Variants in ATXN2 observed in about 807,000 individuals in gnomAD.
The protein encoded by ATXN2 is ataxin 2, also known as ataxin-2.
In ATXN2, 37 loss-of-function variants were observed where a neutral mutation model predicts 138.6. The ratio of observed to expected loss-of-function variants is 0.27; its 90% CI spans 0.21 to 0.35. ATXN2 has a LOEUF of 0.35. ATXN2 is among the 10% of genes least tolerant of loss of function. The pLI, the probability that ATXN2 is intolerant of heterozygous loss-of-function variation, is 1.00. For synonymous variants in ATXN2, 549 were observed against 543.7 expected (o/e 1.01, Z -0.13); for missense variants, 1,216 against 1,480.3 (o/e 0.82, Z 2.93).
intron 14 of ATXN2, among the ~76,000 whole-genome samples, chr12:111,501,326 A>T (rs909060272): frequency 2.6e-5 from 4 of 152,320 alleles, no homozygotes; most frequent in African/African-American, 9.6e-5. Flanking sequence ...AAAGAAAGAA[A>T]ACAGGAATGG....
chr12:111,556,591 G>A (rs1882400952), intron 1 of ATXN2, among the ~76,000 whole-genome samples: 1 of 152,060 alleles, frequency 6.6e-6, no homozygotes, highest in African/African-American at 2.4e-5. Flanking sequence ...GCAGAGGTGG[G>A]CAGATCACAA....
intron 1 of ATXN2, among the ~76,000 whole-genome samples, chr12:111,570,070 C>G (rs747514590): frequency 1.2e-4 from 18 of 152,100 alleles, no homozygotes; most frequent in South Asian, 2.1e-4. Context: ...TTTAAAGAAC[C>G]ATGTGTGGAA....
intron 1 of ATXN2, among the ~76,000 whole-genome samples, chr12:111,585,860 TTG>T (rs1884298973): frequency 6.7e-6 from 1 of 148,790 alleles, no homozygotes; most frequent in Non-Finnish European, 1.5e-5. Flanking sequence ...TGTTGAGCTC[TTG>T]TGTCTGTTTT....
chr12:111,541,656 C>T (rs904811174), intron 5 of ATXN2, among the ~76,000 whole-genome samples: 5 of 148,968 alleles, frequency 3.4e-5, no homozygotes, highest in South Asian at 2.1e-4. Flanking sequence ...TTAATTCTGA[C>T]ATATTTTGTA....
At chr12:111,599,516 G>C (rs1885160427), upstream of ATXN2, 3 of 1,212,378 alleles carry the variant, frequency 2.5e-6, no homozygotes, top group Non-Finnish European at 3.1e-6. Flanking sequence ...TGAGCGCATC[G>C]GAGGGCGGGC....
chr12:111,559,665 G>C (rs1882569351), intron 1 of ATXN2, among the ~76,000 whole-genome samples: 1 of 151,074 alleles, frequency 6.6e-6, no homozygotes, highest in Non-Finnish European at 1.5e-5. Flanking sequence ...CCAGATATTT[G>C]GGGAGGCTGA....
chr12:111,490,526 A>T (rs1039246273), intron 14 of ATXN2, among the ~76,000 whole-genome samples: 2 of 152,140 alleles, frequency 1.3e-5, no homozygotes, highest in Non-Finnish European at 2.9e-5. Flanking sequence ...CTAAGTAAAA[A>T]AAGGAGATGG....
At chr12:111,491,582 C>T (rs951401837) in intron 14 of ATXN2, among the ~76,000 whole-genome samples, 5 of 152,228 alleles carry the variant, frequency 3.3e-5, no homozygotes, top group Admixed American at 6.5e-5. Flanking sequence ...AAGCACCAAG[C>T]ATAGTTCTGA....
rs1380360767 is a variant in ATXN2 at position 111,464,725 on chromosome 12, G to A, written c.2843-10C>T. On this transcript the variant is annotated splice_polypyrimidine_tract_variant and intron_variant, in intron 20 of 24. Transcript: ENST00000673436. Reference sequence around the variant, plus strand: ...GGTAATTTGGGACATGCTGAATTTGGGAAATAGAAAGGTAAATTAGCCTTT... The same window carrying A: ...GGTAATTTGGGACATGCTGAATTTGAGAAATAGAAAGGTAAATTAGCCTTT... 2 of 1,608,094 alleles carry A rather than the reference G, an allele frequency of 1.2e-6. No homozygotes were observed. The highest frequency in any genetic ancestry group is 1.7e-6 in the Non-Finnish European group (2 of 1,175,442).
intron 1 of ATXN2, among the ~76,000 whole-genome samples, chr12:111,572,462 G>T (rs1485053415): frequency 6.6e-6 from 1 of 152,060 alleles, no homozygotes; most frequent in Admixed American, 6.6e-5. Flanking sequence ...CTTGGATTAG[G>T]TCATAGAAAG....
chr12:111,586,790 G>A (rs1269549807), intron 1 of ATXN2, among the ~76,000 whole-genome samples: 2 of 151,980 alleles, frequency 1.3e-5, no homozygotes, highest in African/African-American at 4.8e-5. Flanking sequence ...CAAAGTGCTG[G>A]GATTACAAGC....
intron 5 of ATXN2, among the ~76,000 whole-genome samples, chr12:111,529,186 T>C (rs1417761362): frequency 6.6e-6 from 1 of 152,106 alleles, no homozygotes; most frequent in Admixed American, 6.5e-5. Flanking sequence ...CCAGGATTCC[T>C]GCAAAGTTGA....
chr12:111,586,547 A>G (rs1415569100), intron 1 of ATXN2, among the ~76,000 whole-genome samples: 1 of 151,606 alleles, frequency 6.6e-6, no homozygotes, highest in Non-Finnish European at 1.5e-5. Flanking sequence ...CACCACGCCC[A>G]TTTAATTTTT....
At chr12:111,525,902 T>C (rs1346532476) in intron 5 of ATXN2, among the ~76,000 whole-genome samples, 1 of 152,072 alleles carries the variant, frequency 6.6e-6, no homozygotes, top group African/African-American at 2.4e-5. Flanking sequence ...CAGGCTGGTC[T>C]TGATCTCCTG....
chr12:111,457,304 T>C lies in ATXN2; in HGVS notation c.2952A>G (p.Pro984=), dbSNP rs1289561025. The C allele has an allele frequency of 5.6e-6, 9 of 1,614,008 alleles. No homozygotes were observed. Among genetic ancestry groups the C allele is most frequent in the Non-Finnish European group, 7.6e-6 (9 of 1,179,964 alleles). Residue 984 remains proline (P), a synonymous_variant, in exon 22 of 25, where the codon CCA becomes CCG. Transcript: ENST00000673436. The part of the protein sequence containing the change: ...QYAHPNATLH[P]HTPHPQPSAT... The stretch of plus-strand genomic sequence containing the variant: ...CTGAAGGCTGAGGGTGTGGAGTATG[T>C]GGGTGCAGGGTAGCGTTAGGGTGCG...
Position 111,532,938 on chromosome 12 carries a change from C to G in ATXN2, c.572-7622G>C, listed in dbSNP as rs555670623. 1.5e-3 allele frequency among the ~76,000 whole-genome samples: 226 copies of G among 152,196 alleles called. 1 individual carries two copies. The highest frequency in any genetic ancestry group is 2.7e-3 in the Non-Finnish European group (183 of 68,022). On this transcript the variant is annotated intron_variant, in intron 5 of 24. Coordinates refer to ENST00000673436, the MANE Select transcript of ATXN2 (RefSeq NM_001372574.1). ...CCTACATTCCTAACTAATCAGCCCCCCAGTGGGACTTTCTCCAGCCACACC... is the reference window on the plus strand; with the variant it reads ...CCTACATTCCTAACTAATCAGCCCCGCAGTGGGACTTTCTCCAGCCACACC...
chr12:111,463,225 A>G (rs1461633827), intron 21 of ATXN2, among the ~76,000 whole-genome samples: 1 of 152,220 alleles, frequency 6.6e-6, no homozygotes, highest in Admixed American at 6.5e-5. Context: ...TAATGGCACA[A>G]ATTTCTAAAG....
Position 111,598,946 on chromosome 12 carries a change from G to A in ATXN2, c.89C>T (p.Pro30Leu). 1 of 1,421,404 alleles carries A rather than the reference G, an allele frequency of 7.0e-7. No homozygotes were observed. The allele number at this position is 1,421,404 out of a possible 1,614,324, so 88.0% of individuals were successfully genotyped here. ...QQQQQQQQQP[P>L]PAAANVRKPG... is the part of the protein sequence containing the mutation. ...CTTGCGGACATTGGCAGCCGCGGGC[G>A]GCGGCTGCTGCTGCTGCTGCTGCTG... Residue 30 changes from proline to leucine, a missense_variant, in exon 1 of 25, where the codon CCG becomes CTG. Coordinates refer to ENST00000673436, the MANE Select transcript of ATXN2 (RefSeq NM_001372574.1). The surrounding 1 kb of genome is among the most constrained non-coding windows in gnomAD (Gnocchi z 4.5).
chr12:111,456,476 A>G (rs1030733054), intron 22 of ATXN2, among the ~76,000 whole-genome samples: 3 of 152,142 alleles, frequency 2.0e-5, no homozygotes, highest in Non-Finnish European at 4.4e-5. Context: ...GGCAGTTAGA[A>G]ACTTCTGAGC....
Sources: gnomAD v4.1 joint callset for allele counts (sites outside exome capture counted in the v4.1 genomes callset) on GRCh38, gnomAD v4.1.1 for gene constraint, Gnocchi (gnomAD v3.1) non-coding constraint, MANE v1.5 for transcripts, NCBI Gene and HGNC (gene_info 2026-07-23, HGNC 2026-07-21) for gene names.